The following EYA1 variants were observed in gnomAD, a reference collection of about 807,000 sequenced individuals.
EYA1 encodes the protein protein phosphatase EYA1.
A neutral mutation model predicts 82.0 loss-of-function variants in EYA1; 16 were observed. The ratio of observed to expected loss-of-function variants is 0.20; its 90% CI spans 0.13 to 0.30. The LOEUF (loss-of-function observed/expected upper bound fraction) is 0.30. Ranked by LOEUF, EYA1 falls within the 10% of genes least tolerant of loss-of-function variation. The pLI is 1.00. For synonymous variants in EYA1, 261 were observed against 264.4 expected (o/e 0.99, Z 0.12); for missense variants, 633 against 730.7 (o/e 0.87, Z 1.54).
At chr8:71,245,396 T>C (rs1563684883) in intron 11 of EYA1, among the ~76,000 whole-genome samples, 1 of 152,038 alleles carries the variant, frequency 6.6e-6, no homozygotes, top group Non-Finnish European at 1.5e-5. Context: ...CCAGCTAATT[T>C]TTTTTTGTAT....
At chr8:71,214,375 T>C (rs1003761589) in intron 16 of EYA1, among the ~76,000 whole-genome samples, 13 of 152,178 alleles carry the variant, frequency 8.5e-5, no homozygotes, top group African/African-American at 2.9e-4. Context: ...TTTGCATTGT[T>C]CTCACTAGCC....
chr8:71,480,025 A>G (rs868228942), intron 2 of EYA1, among the ~76,000 whole-genome samples: 1 of 152,186 alleles, frequency 6.6e-6, no homozygotes, highest in African/African-American at 2.4e-5. Flanking sequence ...CAAGTGATAC[A>G]TGTGGTCACT....
rs868115591 is a variant in EYA1, at chr8:71,310,200, A to C, written c.556+7352T>G. On this transcript the variant is annotated intron_variant, in intron 7 of 17. Coordinates refer to ENST00000340726, the MANE Select transcript of EYA1 (RefSeq NM_000503.6). ...CAGCTCTATCTACGAGTATTAACAC[A>C]AGGAAAGATGGCATTAAACATACGA... 3.3e-5 allele frequency among the ~76,000 whole-genome samples: 5 copies of C among 152,194 alleles called. No individual in the cohort carries two copies. The Middle Eastern group carries it at 0.014, about 417-fold the overall frequency.
At chr8:71,223,997 A>G (rs1810266528) in intron 12 of EYA1, among the ~76,000 whole-genome samples, 2 of 152,230 alleles carry the variant, frequency 1.3e-5, no homozygotes, top group Admixed American at 6.5e-5. Flanking sequence ...GACAGTTACA[A>G]TGAGTCTTAT....
chr8:71,415,107 C>T (rs1021282196), intron 2 of EYA1, among the ~76,000 whole-genome samples: 3 of 152,148 alleles, frequency 2.0e-5, no homozygotes, highest in African/African-American at 7.2e-5. Context: ...TTGACATCAG[C>T]AGTGGTGTAC....
At chr8:71,327,348 A>G (rs1823279750) in intron 4 of EYA1, among the ~76,000 whole-genome samples, 1 of 152,256 alleles carries the variant, frequency 6.6e-6, no homozygotes, top group Non-Finnish European at 1.5e-5. Context: ...TTTCTCCTCC[A>G]GAAGCATTCC....
intron 6 of EYA1, among the ~76,000 whole-genome samples, chr8:71,321,384 T>C (rs1438787545): frequency 1.3e-5 from 2 of 152,240 alleles, no homozygotes; most frequent in African/African-American, 2.4e-5. Flanking sequence ...AATGAATCTG[T>C]ACCCCAAAAG....
intron 17 of EYA1, among the ~76,000 whole-genome samples, chr8:71,208,191 G>A (rs1031458388): frequency 1.3e-5 from 2 of 151,748 alleles, no homozygotes; most frequent in South Asian, 4.2e-4. Context: ...CCAGCACTTT[G>A]GGAGGCAGAG....
chr8:71,230,682 TAGAG>T (rs1233428820), intron 12 of EYA1, among the ~76,000 whole-genome samples: 1 of 152,198 alleles, frequency 6.6e-6, no homozygotes, highest in Non-Finnish European at 1.5e-5. Context: ...CCCAACAGAA[TAGAG>T]AAACTATGGC....
At chr8:71,449,368 G>C (rs1414233275) in intron 2 of EYA1, 1 of 152,346 alleles carries the variant, frequency 6.6e-6, no homozygotes, top group African/African-American at 2.4e-5. Flanking sequence ...TGGAAGCTGT[G>C]TTGGCAGGCA....
At chr8:71,343,019 A>G (rs1825318983) in intron 3 of EYA1, among the ~76,000 whole-genome samples, 1 of 152,184 alleles carries the variant, frequency 6.6e-6, no homozygotes, top group South Asian at 2.1e-4. Context: ...GTATGTCCTA[A>G]GAACAAAGAG....
At chr8:71,510,255 C>A (rs1473806171) in intron 2 of EYA1, among the ~76,000 whole-genome samples, 1 of 152,130 alleles carries the variant, frequency 6.6e-6, no homozygotes, top group Non-Finnish European at 1.5e-5. Flanking sequence ...GCAAGTCCAG[C>A]TCACCACGAT....
chr8:71,403,224 C>A (rs376545265), intron 2 of EYA1, among the ~76,000 whole-genome samples: 1 of 152,240 alleles, frequency 6.6e-6, no homozygotes, highest in South Asian at 2.1e-4. Context: ...AAAAGGTGAG[C>A]AATCCAATAC....
intron 17 of EYA1, chr8:71,204,173 C>A (rs147065326): frequency 6.6e-6 from 1 of 152,266 alleles, no homozygotes; most frequent in Admixed American, 6.5e-5. Flanking sequence ...TTTGTGTCTC[C>A]AGAACCAAAA....
intron 2 of EYA1, among the ~76,000 whole-genome samples, chr8:71,368,507 G>T (rs1383138365): frequency 2.0e-5 from 3 of 151,902 alleles, no homozygotes; most frequent in Non-Finnish European, 4.4e-5. Context: ...CAAAAAAAAA[G>T]AAAGAATTTG....
At chr8:71,470,727 C>G (rs1809124712) in intron 2 of EYA1, 1 of 327,074 alleles carries the variant, frequency 3.1e-6, no homozygotes, top group African/African-American at 2.2e-5. Flanking sequence ...CCTAAACACT[C>G]AAGGATTAAG....
At chr8:71,266,020 G>A (rs1815755876) in intron 11 of EYA1, among the ~76,000 whole-genome samples, 1 of 151,986 alleles carries the variant, frequency 6.6e-6, no homozygotes, top group Non-Finnish European at 1.5e-5. Flanking sequence ...CTTTTTTTTG[G>A]TACACATTGC....
At chr8:71,332,359 A>G (rs1053317782) in intron 4 of EYA1, among the ~76,000 whole-genome samples, 1 of 152,158 alleles carries the variant, frequency 6.6e-6, no homozygotes, top group African/African-American at 2.4e-5. Context: ...CCTCACAGTC[A>G]ACATGCCCAA....
At chr8:71,539,231 CAA>C (rs5892286) in intron 1 of EYA1, among the ~76,000 whole-genome samples, 2 of 150,940 alleles carry the variant, frequency 1.3e-5, no homozygotes, top group African/African-American at 2.4e-5. Context: ...AAGGGTCAAC[CAA>C]AAAAAAAATT....
Sources: gnomAD v4.1 joint callset for allele counts (sites outside exome capture counted in the v4.1 genomes callset) on GRCh38, gnomAD v4.1.1 for gene constraint, MANE v1.5 for transcripts, NCBI Gene and HGNC (gene_info 2026-07-23, HGNC 2026-07-21) for gene names.